Variants in FSTL4 observed in about 807,000 individuals in gnomAD.
FSTL4 encodes follistatin like 4, also known as follistatin-related protein 4.
Under a neutral mutation model 78.2 loss-of-function variants are expected in FSTL4, and 28 were observed. The ratio of observed to expected loss-of-function variants is 0.36; its 90% CI spans 0.27 to 0.49. FSTL4 has a LOEUF of 0.49. FSTL4 is among the 20% of genes least tolerant of loss of function. The probability of loss-of-function intolerance (pLI) is 0.98; values close to 1 mark genes in which losing one functional copy is unlikely to be tolerated. For synonymous variants in FSTL4, 422 were observed against 440.5 expected (o/e 0.96, Z 0.53); for missense variants, 922 against 1,084.9 (o/e 0.85, Z 2.11).
At chr5:133,434,800 G>A (rs1339771203) in intron 3 of FSTL4, among the ~76,000 whole-genome samples, 1 of 149,402 alleles carries the variant, frequency 6.7e-6, no homozygotes, top group Non-Finnish European at 1.5e-5. Context: ...AAAAATTGCT[G>A]ATTTCATGGC....
At chr5:133,515,884 G>GA (rs2112892645) in intron 3 of FSTL4, among the ~76,000 whole-genome samples, 1 of 152,126 alleles carries the variant, frequency 6.6e-6, no homozygotes. Flanking sequence ...TCCGTATATT[G>GA]AAAAAATTGA....
chr5:133,494,113 G>C (rs1314435982), intron 3 of FSTL4, among the ~76,000 whole-genome samples: 1 of 152,172 alleles, frequency 6.6e-6, no homozygotes, highest in Non-Finnish European at 1.5e-5. Context: ...GCCCTGTGAG[G>C]TAGGTATTAT....
At chr5:133,675,601 T>C in the FSTL4 span, among the ~76,000 whole-genome samples, 1 of 152,202 alleles carries the variant, frequency 6.6e-6, no homozygotes, top group Non-Finnish European at 1.5e-5. Context: ...GTGCAGTCCC[T>C]GGCAGCAGGC....
At chr5:133,640,865 C>G in the FSTL4 span, among the ~76,000 whole-genome samples, 14,720 of 152,246 alleles carry the variant, frequency 0.097, 860 homozygotes, top group South Asian at 0.18. Context: ...GGAGCTGTCA[C>G]CAGAGCTGCC....
At chr5:133,533,718 T>A (rs1016547218) in intron 3 of FSTL4, among the ~76,000 whole-genome samples, 32 of 152,236 alleles carry the variant, frequency 2.1e-4, no homozygotes, top group African/African-American at 7.0e-4. Flanking sequence ...AGCAACCTCA[T>A]CCCACATTGG....
chr5:133,316,472 G>A lies in FSTL4; in HGVS notation c.590C>T (p.Ser197Phe). ...DADGNGHLSS[S>F]ELAQHVLKKQ... is the part of the protein sequence containing the mutation. ...CACGATGCCCACCTGAGCCAGTTCG[G>A]AGCTGCTGAGGTGGCCATTGCCATC... The change falls in exon 5 of 16, where the codon TCC becomes TTC. Residue 197 changes from serine (S) to phenylalanine (F), a missense_variant. Ser to Phe is a radical substitution (Grantham distance 155, BLOSUM62 -2). Coordinates refer to ENST00000265342, the MANE Select transcript of FSTL4 (RefSeq NM_015082.2). 6.2e-7 allele frequency: 1 copy of A among 1,613,698 alleles called. No individual in the cohort carries two copies. Among genetic ancestry groups the A allele is most frequent in the Middle Eastern group, 1.7e-4 (1 of 6,056 alleles).
intron 12 of FSTL4, among the ~76,000 whole-genome samples, chr5:133,219,819 A>G (rs757974220): frequency 4.6e-5 from 7 of 152,240 alleles, no homozygotes; most frequent in Non-Finnish European, 1.0e-4. Flanking sequence ...ATTTGTGCCA[A>G]TGTGATGGAG....
chr5:133,368,961 A>AT (rs1755233323), intron 4 of FSTL4, among the ~76,000 whole-genome samples: 1 of 152,120 alleles, frequency 6.6e-6, no homozygotes, highest in Non-Finnish European at 1.5e-5. Flanking sequence ...CATAAAGGGG[A>AT]TTTTCCAGCA....
intron 6 of FSTL4, among the ~76,000 whole-genome samples, chr5:133,259,364 A>G (rs536002296): frequency 1.0e-3 from 155 of 152,286 alleles, no homozygotes; most frequent in African/African-American, 3.6e-3. Flanking sequence ...GAGCTGAAAT[A>G]GACCAGTGCA....
chr5:133,646,278 G>A, the FSTL4 span, among the ~76,000 whole-genome samples: 1 of 152,152 alleles, frequency 6.6e-6, no homozygotes, highest in South Asian at 2.1e-4. Flanking sequence ...AGGGAAAAGT[G>A]TCAAGGCAAA....
intron 3 of FSTL4, among the ~76,000 whole-genome samples, chr5:133,438,919 G>A (rs911902290): frequency 1.9e-4 from 29 of 152,358 alleles, no homozygotes; most frequent in African/African-American, 6.7e-4. Flanking sequence ...GATGAGCGCG[G>A]ATGCTCAAGA....
At chr5:133,807,011 G>A in the FSTL4 span, among the ~76,000 whole-genome samples, 6 of 152,138 alleles carry the variant, frequency 3.9e-5, no homozygotes, top group East Asian at 5.8e-4. Context: ...TGTCAATCAC[G>A]CCCACATGCT....
the FSTL4 span, among the ~76,000 whole-genome samples, chr5:133,837,869 CCTTT>C: frequency 6.6e-6 from 1 of 151,794 alleles, no homozygotes; most frequent in African/African-American, 2.4e-5. Flanking sequence ...CTTGGGATTT[CCTTT>C]CTTTATTTTT....
chr5:133,312,785 G>A lies in FSTL4; in HGVS notation c.604-8C>T, dbSNP rs1753819046. 1.2e-6 allele frequency: 2 copies of A among 1,613,910 alleles called. No homozygotes were observed. The highest frequency in any genetic ancestry group is 2.2e-5 in the East Asian group (1 of 44,896). On this transcript the variant is annotated splice_polypyrimidine_tract_variant and splice_region_variant and intron_variant, in intron 5 of 15. Coordinates refer to ENST00000265342, the MANE Select transcript of FSTL4 (RefSeq NM_015082.2). ...CTGCTTCTTCAGCACATGCTGTGGG[G>A]TGAGGAGGAGAACAAGGCCAGAATC...
At chr5:133,477,811 T>C (rs1347620426) in intron 3 of FSTL4, among the ~76,000 whole-genome samples, 1 of 152,186 alleles carries the variant, frequency 6.6e-6, no homozygotes, top group Non-Finnish European at 1.5e-5. Flanking sequence ...TCCTGAGAAG[T>C]GCCAATTTTC....
At chr5:133,336,107 C>T (rs1376118607) in intron 4 of FSTL4, among the ~76,000 whole-genome samples, 1 of 152,230 alleles carries the variant, frequency 6.6e-6, no homozygotes, top group Non-Finnish European at 1.5e-5. Context: ...ACCAAATAGG[C>T]ACAAGGTGAA....
chr5:133,603,003 C>A (rs1026644147), intron 2 of FSTL4, among the ~76,000 whole-genome samples: 1 of 152,176 alleles, frequency 6.6e-6, no homozygotes, highest in Non-Finnish European at 1.5e-5. Flanking sequence ...AAAAAGAGAA[C>A]GGCAGGCATC....
chr5:133,806,297 C>T, the FSTL4 span, among the ~76,000 whole-genome samples: 2 of 152,116 alleles, frequency 1.3e-5, no homozygotes, highest in Non-Finnish European at 2.9e-5. Context: ...ATGCACAGTC[C>T]TAGGAAAGCA....
intron 3 of FSTL4, among the ~76,000 whole-genome samples, chr5:133,500,412 A>G (rs1230511801): frequency 6.6e-6 from 1 of 152,214 alleles, no homozygotes. Flanking sequence ...GATCTAAGGT[A>G]TCGGTTCAAT....
Sources: allele counts gnomAD v4.1 joint callset (sites outside exome capture counted in the v4.1 genomes callset), GRCh38; gene constraint gnomAD v4.1.1; transcripts MANE v1.5; gene names NCBI Gene and HGNC (gene_info 2026-07-23, HGNC 2026-07-21).